Variants in WNT3 observed in about 807,000 individuals in gnomAD.
The protein encoded by WNT3 is Wnt family member 3.
In WNT3, 7 loss-of-function variants were observed where a neutral mutation model predicts 34.2. The observed-to-expected ratio is 0.20, with a 90% CI of 0.12 to 0.38. The LOEUF (loss-of-function observed/expected upper bound fraction) is 0.38. Ranked by LOEUF, WNT3 falls within the 10% of genes least tolerant of loss-of-function variation. The probability of loss-of-function intolerance (pLI) is 1.00; values close to 1 mark genes in which losing one functional copy is unlikely to be tolerated. For synonymous variants in WNT3, 212 were observed against 211.5 expected (o/e 1.00, Z -0.02); for missense variants, 267 against 499.8 (o/e 0.53, Z 4.44).
At chr17:46,769,592 C>G (rs1209669530) in intron 3 of WNT3, among the ~76,000 whole-genome samples, 191 bp downstream of exon 3, 1 of 152,112 alleles carries the variant, frequency 6.6e-6, no homozygotes, top group Non-Finnish European at 1.5e-5. Flanking sequence ...AGTCCAGGAA[C>G]TGCCCAAGGA....
At chr17:46,764,990 C>T (rs1034589349) in intron 4 of WNT3, among the ~76,000 whole-genome samples, 8 of 152,366 alleles carry the variant, frequency 5.3e-5, no homozygotes, top group Middle Eastern at 3.4e-3. Context: ...GCTGGGCTCA[C>T]GCCAGGCATG....
intron 2 of WNT3, 103 bp from the exon 3 acceptor site, chr17:46,770,151 G>A: frequency 4.9e-6 from 7 of 1,414,158 alleles, no homozygotes; most frequent in East Asian, 2.5e-5. Flanking sequence ...AGGCCAGGAA[G>A]AGTTGAAGAG....
At chr17:46,770,481 G>C (rs554994168) in intron 2 of WNT3, among the ~76,000 whole-genome samples, 1 of 152,134 alleles carries the variant, frequency 6.6e-6, no homozygotes, top group African/African-American at 2.4e-5. Flanking sequence ...AGGTCTGTAA[G>C]GAGGGAGGCC....
At chr17:46,789,104 G>A (rs542470395) in intron 1 of WNT3, among the ~76,000 whole-genome samples, 34 of 152,268 alleles carry the variant, frequency 2.2e-4, no homozygotes, top group South Asian at 6.2e-4. Context: ...GCTGGACGCC[G>A]GGAGCACAGT....
At chr17:46,806,294 T>A (rs1291074423) in intron 1 of WNT3, among the ~76,000 whole-genome samples, 1 of 143,910 alleles carries the variant, frequency 6.9e-6, no homozygotes, top group African/African-American at 2.5e-5. Context: ...TCACCGCAAC[T>A]TCAGCCCTCG....
intron 1 of WNT3, among the ~76,000 whole-genome samples, chr17:46,789,836 T>G (rs2083957643): frequency 6.6e-6 from 1 of 152,204 alleles, no homozygotes; most frequent in African/African-American, 2.4e-5. Flanking sequence ...AGCTGCAGGT[T>G]GGGAGGCCTC....
intron 1 of WNT3, among the ~76,000 whole-genome samples, chr17:46,776,145 C>G (rs1213810834): frequency 6.6e-6 from 1 of 152,224 alleles, no homozygotes; most frequent in Non-Finnish European, 1.5e-5. Context: ...GTGTCAGACT[C>G]CAGAGCCCAT....
chr17:46,818,403 G>A lies in WNT3; in HGVS notation c.80+115C>T, dbSNP rs1023512849. On this transcript the variant is annotated intron_variant, in intron 1 of 4. Transcript: ENST00000225512. ...AGGGGTGGGCGGGTGGGGGGCTGGA[G>A]GGAGGCGAGGAGAGGAGCCCCAGCC... The A allele has an allele frequency of 6.0e-5, 63 of 1,047,948 alleles. No individual in the cohort carries two copies. The African/African-American group carries it at 9.8e-4, about 16-fold the overall frequency. 64.9% of individuals were successfully genotyped at this position (1,047,948 alleles called of 1,614,324 possible).
At chr17:46,781,290 A>G (rs1220005983) in intron 1 of WNT3, among the ~76,000 whole-genome samples, 1 of 152,168 alleles carries the variant, frequency 6.6e-6, no homozygotes, top group Non-Finnish European at 1.5e-5. Context: ...AACGTAGAGG[A>G]AACTTGAAAA....
At chr17:46,767,249 T>C (rs1177969906) in intron 4 of WNT3, among the ~76,000 whole-genome samples, 13 of 152,072 alleles carry the variant, frequency 8.5e-5, no homozygotes, top group Admixed American at 7.9e-4. Flanking sequence ...CCACCCGCCT[T>C]TGATCCCTCG....
intron 1 of WNT3, among the ~76,000 whole-genome samples, chr17:46,810,361 C>T (rs188750154): frequency 3.3e-5 from 5 of 152,142 alleles, no homozygotes; most frequent in African/African-American, 9.7e-5. Flanking sequence ...CTGGAAAGAA[C>T]CTGACACTTC....
At chr17:46,790,481 C>A (rs2083970508) in intron 1 of WNT3, among the ~76,000 whole-genome samples, 1 of 152,062 alleles carries the variant, frequency 6.6e-6, no homozygotes, top group Non-Finnish European at 1.5e-5. Flanking sequence ...AGAAGCACTG[C>A]CCTAGGTCAC....
chr17:46,767,923 G>A (rs1329939809), intron 4 of WNT3, among the ~76,000 whole-genome samples: 2 of 152,036 alleles, frequency 1.3e-5, no homozygotes, highest in African/African-American at 4.8e-5. Context: ...CAAGCAGCTG[G>A]GATTACAGGC....
chr17:46,806,746 G>A (rs927893241), intron 1 of WNT3, among the ~76,000 whole-genome samples: 1 of 152,262 alleles, frequency 6.6e-6, no homozygotes, highest in Non-Finnish European at 1.5e-5. Flanking sequence ...TTGCCCAAGG[G>A]CAGAAGCGGA....
intron 1 of WNT3, among the ~76,000 whole-genome samples, chr17:46,810,570 C>A (rs1364132899): frequency 2.0e-5 from 3 of 152,112 alleles, no homozygotes; most frequent in African/African-American, 7.2e-5. Flanking sequence ...TTATCATCAT[C>A]CAATTTGCAG....
At chr17:46,784,772 C>CTTTTT in intron 1 of WNT3, among the ~76,000 whole-genome samples, 1 of 112,354 alleles carries the variant, frequency 8.9e-6, no homozygotes. Flanking sequence ...CCCCTTTTTG[C>CTTTTT]TTTTCTTTTT....
chr17:46,817,325 C>T (rs1362745365), intron 1 of WNT3, among the ~76,000 whole-genome samples: 1 of 152,234 alleles, frequency 6.6e-6, no homozygotes, highest in Non-Finnish European at 1.5e-5. Flanking sequence ...CCCCGGGGGC[C>T]ACAGCCCACT....
rs1055922884 is a variant in WNT3, at chr17:46,762,903, T to A, written c.*1727A>T. ...AGATATGAAAAGATTGTTTTGAAAA[T>A]TCGTATCCATTCTGCTGAAGTATTC... On this transcript the variant is annotated 3_prime_UTR_variant, in exon 5 of 5. Transcript: ENST00000225512. 2 of 152,190 alleles carry A rather than the reference T, an allele frequency of 1.3e-5. No individual in the cohort carries two copies. Among genetic ancestry groups the A allele is most frequent in the African/African-American group, 2.4e-5 (1 of 41,444 alleles). The allele number at this position is 152,190 out of a possible 1,614,324, so 9.4% of individuals were successfully genotyped here.
rs71138553 is a variant in WNT3 at position 46,816,119 on chromosome 17, A to ACACACACACACACTCACG, written c.80+2398_80+2399insCGTGAGTGTGTGTGTGTG. Among the ~76,000 whole-genome samples the ACACACACACACACTCACG allele has an allele frequency of 1.3e-5, 2 of 150,552 alleles. 1 individual carries two copies. The highest frequency in any genetic ancestry group is 4.9e-5 in the African/African-American group (2 of 41,004). ...AAGGCATGCGCGCGCACGTACACAC[A>ACACACACACACACTCACG]CACACACACACTCACACACACGCAC... On this transcript the variant is annotated intron_variant, in intron 1 of 4. Coordinates refer to ENST00000225512, the MANE Select transcript of WNT3 (RefSeq NM_030753.5).
Sources: allele counts gnomAD v4.1 joint callset (sites outside exome capture counted in the v4.1 genomes callset), GRCh38; gene constraint gnomAD v4.1.1; transcripts MANE v1.5; gene names NCBI Gene and HGNC (gene_info 2026-07-23, HGNC 2026-07-21).